KIAA1958: variants seen among roughly 807,000 people sequenced by gnomAD.
The protein encoded by KIAA1958 is KIAA1958, also known as uncharacterized protein KIAA1958.
In KIAA1958, 14 loss-of-function variants were observed where a neutral mutation model predicts 47.2. The ratio of observed to expected loss-of-function variants is 0.30; its 90% CI spans 0.20 to 0.46. KIAA1958 has a LOEUF of 0.46. Ranked by LOEUF, KIAA1958 falls within the 20% of genes least tolerant of loss-of-function variation. The pLI is 1.00. For synonymous variants in KIAA1958, 354 were observed against 353.3 expected, an observed-to-expected ratio of 1.00 and a Z score of -0.02; for missense variants, 803 against 909.2, an observed-to-expected ratio of 0.88 and a Z score of 1.50.
At chr9:112,649,093 A>G (rs537231384) in intron 3 of KIAA1958, among the ~76,000 whole-genome samples, 1 of 152,368 alleles carries the variant, frequency 6.6e-6, no homozygotes, top group East Asian at 1.9e-4. Flanking sequence ...TACTTAGAGA[A>G]GAAAATATGT....
chr9:112,608,371 A>G (rs1408650689), intron 2 of KIAA1958, among the ~76,000 whole-genome samples: 1 of 152,262 alleles, frequency 6.6e-6, no homozygotes, highest in Non-Finnish European at 1.5e-5. Flanking sequence ...TTAAAAGCTA[A>G]CAATTACATA....
intron 3 of KIAA1958, among the ~76,000 whole-genome samples, chr9:112,653,565 G>A (rs892021654): frequency 6.6e-6 from 1 of 152,062 alleles, no homozygotes; most frequent in Admixed American, 6.6e-5. Context: ...GTCTAACTGG[G>A]CCTCCTCACA....
chr9:112,646,072 A>G (rs372449082), intron 3 of KIAA1958, among the ~76,000 whole-genome samples: 5 of 140,600 alleles, frequency 3.6e-5, no homozygotes, highest in Admixed American at 7.5e-5. Context: ...TGGAGAGAGA[A>G]TTGATATTTA....
chr9:112,507,636 G>A lies in KIAA1958; in HGVS notation c.-25+20518G>A, dbSNP rs1418758811. 3.3e-5 allele frequency among the ~76,000 whole-genome samples: 5 copies of A among 152,206 alleles called. 1 individual carries two copies. The South Asian group carries it at 1.0e-3, about 32-fold the overall frequency. ...AGTGCTGGGATTACAGGCCCTGAGC[G>A]ACTCACTGTGCCTGGCCAGTTTGAT... On this transcript the variant is annotated intron_variant, in intron 1 of 3. Coordinates refer to ENST00000337530, the MANE Select transcript of KIAA1958 (RefSeq NM_133465.4).
chr9:112,507,942 AT>A (rs1398181327), intron 1 of KIAA1958, among the ~76,000 whole-genome samples: 1 of 152,058 alleles, frequency 6.6e-6, no homozygotes, highest in Admixed American at 6.5e-5. Flanking sequence ...TTATGTGGTA[AT>A]TCTAAATATT....
At chr9:112,547,377 C>CAA (rs58406658) in intron 1 of KIAA1958, among the ~76,000 whole-genome samples, 1 of 84,002 alleles carries the variant, frequency 1.2e-5, no homozygotes, top group African/African-American at 4.9e-5. Context: ...GACTCTGTCT[C>CAA]AAAAAAAAAA....
At chr9:112,548,461 T>A (rs1835081231) in intron 1 of KIAA1958, among the ~76,000 whole-genome samples, 1 of 152,198 alleles carries the variant, frequency 6.6e-6, no homozygotes, top group South Asian at 2.1e-4. Context: ...GTTCTTAGGA[T>A]CTCCTGGGGC....
Position 112,574,421 on chromosome 9 carries a change from A to T in KIAA1958, c.341A>T (p.Asn114Ile), listed in dbSNP as rs1835597949. ...CCAGTGAAAGCAAAGCTAGACTGTA[A>T]CCGGACCAGAGACTCTTGTGACTTC... ...GRPVKAKLDC[N>I]RTRDSCDFSY... Residue 114 changes from asparagine to isoleucine, a missense_variant, in exon 2 of 4, where the codon AAC becomes ATC. Asn to Ile is a moderately radical substitution (Grantham distance 149). This residue lies in a region of KIAA1958 where 761 missense variants were observed against 829.3 expected (regional missense o/e 0.92). Transcript: ENST00000337530. The T allele has an allele frequency of 7.4e-6, 12 of 1,614,188 alleles. No individual in the cohort carries two copies. Among genetic ancestry groups the T allele is most frequent in the Non-Finnish European group, 1.0e-5 (12 of 1,180,016 alleles).
intron 1 of KIAA1958, among the ~76,000 whole-genome samples, chr9:112,507,100 A>G (rs1402185393): frequency 5.3e-5 from 8 of 151,588 alleles, no homozygotes; most frequent in Non-Finnish European, 1.2e-4. Flanking sequence ...ATTTGTGGGT[A>G]GAGGGAAGGA....
At chr9:112,498,351 A>G (rs534797720) in intron 1 of KIAA1958, among the ~76,000 whole-genome samples, 1 of 152,292 alleles carries the variant, frequency 6.6e-6, no homozygotes, top group African/African-American at 2.4e-5. Flanking sequence ...GATGAACCCA[A>G]GCAGATATGG....
rs1835599958 is a variant in KIAA1958, at chr9:112,574,467, T to C, written c.387T>C (p.Ser129=). 1 of 1,614,184 alleles carries C rather than the reference T, an allele frequency of 6.2e-7. No individual in the cohort carries two copies. The highest frequency in any genetic ancestry group is 1.7e-5 in the Admixed American group (1 of 60,020). Residue 129 remains serine (S), a synonymous_variant, in exon 2 of 4, where the codon TCT becomes TCC. Coordinates refer to ENST00000337530, the MANE Select transcript of KIAA1958 (RefSeq NM_133465.4). The part of the protein sequence containing the change: ...SCDFSYCSEP[S]ELDETVEEYE... ...ACTTCTCCTACTGTAGTGAGCCCTC[T>C]GAACTGGATGAAACTGTTGAAGAAT...
At chr9:112,570,076 C>T (rs981205663) in intron 1 of KIAA1958, among the ~76,000 whole-genome samples, 34 of 152,298 alleles carry the variant, frequency 2.2e-4, no homozygotes, top group African/African-American at 7.7e-4. Context: ...TATTAGCTAA[C>T]GTGAAGCATG....
chr9:112,543,754 G>A (rs1039722710), intron 1 of KIAA1958, among the ~76,000 whole-genome samples: 2 of 151,890 alleles, frequency 1.3e-5, no homozygotes, highest in Non-Finnish European at 2.9e-5. Flanking sequence ...TGTATTTTTA[G>A]TAGAGATAGG....
chr9:112,561,708 A>G (rs965018316), intron 1 of KIAA1958, among the ~76,000 whole-genome samples: 2 of 152,180 alleles, frequency 1.3e-5, no homozygotes, highest in Non-Finnish European at 2.9e-5. Context: ...TACAAAAATT[A>G]GCCAGGCATG....
chr9:112,509,226 G>A (rs560512283), intron 1 of KIAA1958, among the ~76,000 whole-genome samples: 2 of 137,296 alleles, frequency 1.5e-5, no homozygotes, highest in African/African-American at 5.5e-5. Context: ...TTTTTGAGAC[G>A]GAGTCTTGCT....
chr9:112,595,732 G>A (rs1836013861), intron 2 of KIAA1958, among the ~76,000 whole-genome samples: 1 of 150,766 alleles, frequency 6.6e-6, no homozygotes, highest in Non-Finnish European at 1.5e-5. Flanking sequence ...TTGATTGGCA[G>A]TAGCACTTAT....
Position 112,665,247 on chromosome 9 carries a change from G to C in KIAA1958, c.*5178G>C, listed in dbSNP as rs1432255953. ...TGATTTGATTAACTTTCATTTAACT[G>C]TGGTTATTGTTACATCTACTGATTT... On this transcript the variant is annotated 3_prime_UTR_variant, in exon 4 of 4. Coordinates refer to ENST00000337530, the MANE Select transcript of KIAA1958 (RefSeq NM_133465.4). 6.6e-6 allele frequency: 1 copy of C among 151,998 alleles called. No individual in the cohort carries two copies. The highest frequency in any genetic ancestry group is 1.5e-5 in the Non-Finnish European group (1 of 68,024). The allele number at this position is 151,998 out of a possible 1,614,324, so 9.4% of individuals were successfully genotyped here.
intron 1 of KIAA1958, among the ~76,000 whole-genome samples, chr9:112,543,325 T>G (rs1479269010): frequency 6.6e-6 from 1 of 152,150 alleles, no homozygotes; most frequent in Non-Finnish European, 1.5e-5. Context: ...TAGTAAAATA[T>G]TTGGACTTAA....
chr9:112,548,411 T>C (rs961358995), intron 1 of KIAA1958, among the ~76,000 whole-genome samples: 1 of 152,188 alleles, frequency 6.6e-6, no homozygotes, highest in Non-Finnish European at 1.5e-5. Flanking sequence ...CTCCCTAAAA[T>C]GTATGAAACC....
Sources: gnomAD v4.1 joint callset for allele counts (sites outside exome capture counted in the v4.1 genomes callset) on GRCh38, gnomAD v4.1.1 for gene constraint, gnomAD v4.1.1 regional missense constraint, MANE v1.5 for transcripts, NCBI Gene and HGNC (gene_info 2026-07-23, HGNC 2026-07-21) for gene names.